Variants in DCLK1 observed in about 807,000 individuals in gnomAD.
The protein encoded by DCLK1 is serine/threonine-protein kinase DCLK1.
A neutral mutation model predicts 86.2 loss-of-function variants in DCLK1; 16 were observed. The ratio of observed to expected loss-of-function variants is 0.19; its 90% CI spans 0.13 to 0.28. The LOEUF is 0.28. DCLK1 is among the 10% of genes least tolerant of loss of function. The pLI, the probability that DCLK1 is intolerant of heterozygous loss-of-function variation, is 1.00. For synonymous variants in DCLK1, 369 were observed against 370.5 expected (o/e 1.00, Z 0.05); for missense variants, 590 against 940.2 (o/e 0.63, Z 4.87).
At chr13:35,803,038 A>G (rs2086953590) in intron 15 of DCLK1, among the ~76,000 whole-genome samples, 1 of 152,214 alleles carries the variant, frequency 6.6e-6, no homozygotes, top group Non-Finnish European at 1.5e-5. Context: ...CTGCCTGTTT[A>G]CAACATTACC....
At chr13:35,962,946 A>G (rs940221451) in intron 3 of DCLK1, among the ~76,000 whole-genome samples, 1 of 152,190 alleles carries the variant, frequency 6.6e-6, no homozygotes, top group African/African-American at 2.4e-5. Context: ...AGTTGTTTAC[A>G]TTATATATTC....
At chr13:36,042,890 A>C (rs544584850) in intron 3 of DCLK1, among the ~76,000 whole-genome samples, 1 of 152,372 alleles carries the variant, frequency 6.6e-6, no homozygotes, top group East Asian at 1.9e-4. Context: ...GAAAACATTC[A>C]AACACATTTA....
At position 35,828,954 on chromosome 13, in the gene DCLK1, G is replaced by C. The variant is rs536923811; in HGVS notation, c.1230-647C>G. 2.0e-5 allele frequency among the ~76,000 whole-genome samples: 3 copies of C among 152,294 alleles called. No individual in the cohort carries two copies. In the East Asian group the frequency reaches 5.8e-4, roughly 29 times the overall value. ...GAGAGCCTGTGTGAGTTCCGCTGGA[G>C]AACTCATAGATGATATGGTCAAGGT... On this transcript the variant is annotated intron_variant, in intron 8 of 16. Coordinates refer to ENST00000360631, the MANE Select transcript of DCLK1 (RefSeq NM_001330071.2).
chr13:36,078,633 T>A (rs1328755745), intron 3 of DCLK1, among the ~76,000 whole-genome samples: 1 of 152,202 alleles, frequency 6.6e-6, no homozygotes, highest in Non-Finnish European at 1.5e-5. Context: ...AGATGAAGTA[T>A]CTGAGCACTG....
chr13:35,918,889 TG>T (rs1875598213), intron 4 of DCLK1, among the ~76,000 whole-genome samples: 2 of 99,720 alleles, frequency 2.0e-5, no homozygotes, highest in Admixed American at 1.2e-4. Flanking sequence ...TCCTTCTGAG[TG>T]TGTTTTTTTT....
chr13:35,948,994 A>G (rs1877526996), intron 3 of DCLK1, among the ~76,000 whole-genome samples: 1 of 152,156 alleles, frequency 6.6e-6, no homozygotes, highest in South Asian at 2.1e-4. Context: ...TTCTTCTAGC[A>G]TCATCTCAAT....
At chr13:36,053,131 T>TA (rs1883184537) in intron 3 of DCLK1, among the ~76,000 whole-genome samples, 1 of 152,114 alleles carries the variant, frequency 6.6e-6, no homozygotes, top group Non-Finnish European at 1.5e-5. Context: ...AAACAAGTAT[T>TA]AAAAGGAATG....
chr13:35,949,618 G>A (rs1022509217), intron 3 of DCLK1, among the ~76,000 whole-genome samples: 5 of 152,146 alleles, frequency 3.3e-5, no homozygotes, highest in Admixed American at 2.0e-4. Flanking sequence ...CCCACCATTT[G>A]CATTTGAGAA....
At chr13:36,093,622 T>A (rs967267176) in intron 3 of DCLK1, among the ~76,000 whole-genome samples, 2 of 152,218 alleles carry the variant, frequency 1.3e-5, no homozygotes, top group Non-Finnish European at 2.9e-5. Context: ...TAGCACATTA[T>A]CATTCAATCA....
chr13:35,947,291 C>A (rs2153133285), intron 4 of DCLK1, 67 bp downstream of exon 4: 1 of 1,252,418 alleles, frequency 8.0e-7, no homozygotes, highest in Non-Finnish European at 1.2e-6. Context: ...ATAATCTTGG[C>A]CTGGTGCAGC....
intron 4 of DCLK1, among the ~76,000 whole-genome samples, chr13:35,918,717 T>C (rs1447115253): frequency 1.3e-5 from 2 of 151,832 alleles, no homozygotes; most frequent in South Asian, 2.1e-4. Flanking sequence ...CAAAGAAAAA[T>C]GGGCACTAAT....
At chr13:35,907,261 C>A (rs1260930655) in intron 4 of DCLK1, among the ~76,000 whole-genome samples, 3 of 152,170 alleles carry the variant, frequency 2.0e-5, no homozygotes, top group Non-Finnish European at 2.9e-5. Flanking sequence ...CTCTCGGACT[C>A]AAGTGAGCCT....
intron 4 of DCLK1, among the ~76,000 whole-genome samples, chr13:35,943,679 G>C (rs1877212006): frequency 6.6e-6 from 1 of 152,178 alleles, no homozygotes; most frequent in South Asian, 2.1e-4. Flanking sequence ...TTTGAGGCCA[G>C]CAGGTTGGAC....
chr13:36,052,769 G>A (rs760125153), intron 3 of DCLK1, among the ~76,000 whole-genome samples: 6 of 152,184 alleles, frequency 3.9e-5, no homozygotes, highest in Non-Finnish European at 5.9e-5. Flanking sequence ...ATGTCATTAT[G>A]TGATGGATGG....
At chr13:35,863,376 A>C (rs918223627) in intron 5 of DCLK1, among the ~76,000 whole-genome samples, 1 of 152,246 alleles carries the variant, frequency 6.6e-6, no homozygotes, top group Non-Finnish European at 1.5e-5. Flanking sequence ...ATATTTAATT[A>C]ACCTGGGGCA....
intron 4 of DCLK1, among the ~76,000 whole-genome samples, chr13:35,925,951 C>T (rs528583795): frequency 2.6e-4 from 39 of 152,252 alleles, no homozygotes; most frequent in African/African-American, 9.1e-4. Flanking sequence ...TACTTAAACC[C>T]GTAGTTTGCA....
intron 5 of DCLK1, among the ~76,000 whole-genome samples, chr13:35,870,923 C>T (rs1392025446): frequency 1.3e-5 from 2 of 152,192 alleles, no homozygotes; most frequent in Non-Finnish European, 2.9e-5. Context: ...ACAGAGACTT[C>T]CAGAATCTGA....
At chr13:35,996,332 A>G (rs769535533) in intron 3 of DCLK1, among the ~76,000 whole-genome samples, 2 of 152,250 alleles carry the variant, frequency 1.3e-5, no homozygotes, top group African/African-American at 2.4e-5. Context: ...TATTGCAAAC[A>G]GCACCATGTG....
Position 35,775,892 on chromosome 13 carries a change from CCAAT to C in DCLK1, c.2059-1197_2059-1194del, listed in dbSNP as rs1479925213. 9.5e-4 allele frequency among the ~76,000 whole-genome samples: 145 copies of C among 152,062 alleles called. 1 individual carries two copies. The highest frequency in any genetic ancestry group is 3.4e-4 in the Non-Finnish European group (23 of 68,018). ...AGGGCAATCTTAGATCTAAAATAGG[CCAAT>C]CAAAGTTCCAAAATGAAGTAATAAA... On this transcript the variant is annotated intron_variant, in intron 16 of 16. Transcript: ENST00000360631.
Sources: allele counts gnomAD v4.1 joint callset (sites outside exome capture counted in the v4.1 genomes callset), GRCh38; gene constraint gnomAD v4.1.1; transcripts MANE v1.5; gene names NCBI Gene and HGNC (gene_info 2026-07-23, HGNC 2026-07-21).